Variants in ROBO2 observed in about 807,000 individuals in gnomAD.
The protein encoded by ROBO2 is roundabout homolog 2.
In ROBO2, 53 loss-of-function variants were observed where a neutral mutation model predicts 160.8. The observed-to-expected ratio is 0.33, with a 90% CI of 0.26 to 0.41. The LOEUF (loss-of-function observed/expected upper bound fraction) is 0.41, where lower values mean the gene tolerates loss of function less well. ROBO2 is among the 10% of genes least tolerant of loss of function. ROBO2 has a pLI of 1.00. For synonymous variants in ROBO2, 664 were observed against 611.7 expected (o/e 1.09, Z -1.26); for missense variants, 1,577 against 1,722.4 (o/e 0.92, Z 1.49).
intron 2 of ROBO2, among the ~76,000 whole-genome samples, chr3:76,086,606 G>A (rs969703576): frequency 1.3e-5 from 2 of 152,044 alleles, no homozygotes; most frequent in Non-Finnish European, 2.9e-5. Context: ...CTGCAGTTCT[G>A]TTTACCCAGT....
intron 2 of ROBO2, among the ~76,000 whole-genome samples, chr3:77,311,295 C>T (rs373068068): frequency 5.3e-5 from 8 of 152,168 alleles, no homozygotes; most frequent in South Asian, 4.2e-4. Flanking sequence ...GTATGTGCAC[C>T]GGAAATATCC....
chr3:76,880,612 C>A (rs1364108784), intron 2 of ROBO2, among the ~76,000 whole-genome samples: 1 of 151,974 alleles, frequency 6.6e-6, no homozygotes, highest in Non-Finnish European at 1.5e-5. Context: ...TTTAAAAATT[C>A]TAGGAATTTA....
At chr3:76,142,265 CA>C in intron 2 of ROBO2, among the ~76,000 whole-genome samples, 1 of 151,800 alleles carries the variant, frequency 6.6e-6, no homozygotes, top group Middle Eastern at 3.4e-3. Context: ...GGAGGTTCCT[CA>C]AAAAAACTGA....
intron 2 of ROBO2, among the ~76,000 whole-genome samples, chr3:76,548,754 T>C (rs975256699): frequency 3.3e-5 from 5 of 151,544 alleles, no homozygotes; most frequent in African/African-American, 4.8e-5. Flanking sequence ...TCTACTAACA[T>C]CAAGAAATCG....
chr3:76,712,817 T>A (rs2107621824), intron 2 of ROBO2, among the ~76,000 whole-genome samples: 1 of 152,266 alleles, frequency 6.6e-6, no homozygotes, highest in East Asian at 1.9e-4. Context: ...AATTTTCTCT[T>A]CATTTCTTAT....
intron 1 of ROBO2, among the ~76,000 whole-genome samples, chr3:75,936,254 T>C (rs1365949761): frequency 6.6e-6 from 1 of 152,204 alleles, no homozygotes; most frequent in Non-Finnish European, 1.5e-5. Context: ...GGTAATTAAA[T>C]CTTCCCCTTT....
At chr3:76,509,261 GA>G (rs2080956112) in intron 2 of ROBO2, among the ~76,000 whole-genome samples, 1 of 152,130 alleles carries the variant, frequency 6.6e-6, no homozygotes, top group Admixed American at 6.5e-5. Flanking sequence ...CACTCTCTGA[GA>G]AAGAAGATAT....
At chr3:76,895,953 A>T (rs929257456) in intron 2 of ROBO2, among the ~76,000 whole-genome samples, 7 of 152,100 alleles carry the variant, frequency 4.6e-5, no homozygotes, top group African/African-American at 1.7e-4. Flanking sequence ...TGCTCCTTGG[A>T]CAGCCTGACT....
intron 2 of ROBO2, among the ~76,000 whole-genome samples, chr3:76,320,823 A>C (rs941962908): frequency 6.6e-6 from 1 of 152,198 alleles, no homozygotes; most frequent in Non-Finnish European, 1.5e-5. Context: ...GACTTAATGC[A>C]CTGTTAGATG....
chr3:77,102,152 G>A (rs995320359), intron 2 of ROBO2, among the ~76,000 whole-genome samples: 20 of 152,220 alleles, frequency 1.3e-4, no homozygotes, highest in African/African-American at 4.8e-4. Flanking sequence ...CAGCTGAAGA[G>A]CGAGTAGTGG....
rs191680080 is a variant in ROBO2 at position 76,267,601 on chromosome 3, T to G, written c.109+329999T>G. ...GTGTCATATTTCTCTTCTAATATGT[T>G]TAATGTTTCTTACAATATGAAATTA... On this transcript the variant is annotated intron_variant, in intron 2 of 26. Coordinates refer to the ROBO2 transcript ENST00000487694. Among the ~76,000 whole-genome samples, 76 of 152,296 alleles carry G rather than the reference T, an allele frequency of 5.0e-4. 1 individual carries two copies. Among genetic ancestry groups the G allele is most frequent in the Middle Eastern group, 3.4e-3 (1 of 294 alleles).
chr3:76,237,280 T>C (rs756486799), intron 2 of ROBO2, among the ~76,000 whole-genome samples: 1 of 152,176 alleles, frequency 6.6e-6, no homozygotes, highest in Non-Finnish European at 1.5e-5. Context: ...TTACCTAAGA[T>C]GGAATCTGTG....
At chr3:77,478,256 G>A (rs2084278650) in intron 3 of ROBO2, among the ~76,000 whole-genome samples, 1 of 152,122 alleles carries the variant, frequency 6.6e-6, no homozygotes. Context: ...AAAATTATAA[G>A]AGAAATTAAT....
chr3:76,434,350 T>C (rs2076571538), intron 2 of ROBO2: 2 of 1,344,916 alleles, frequency 1.5e-6, no homozygotes, highest in Non-Finnish European at 2.1e-6. Flanking sequence ...TGATAAGCTT[T>C]CGGGAGAAGA....
At chr3:76,624,895 T>G (rs949143736) in intron 2 of ROBO2, among the ~76,000 whole-genome samples, 6 of 148,938 alleles carry the variant, frequency 4.0e-5, no homozygotes, top group African/African-American at 1.5e-4. Flanking sequence ...ACTTGTCTAC[T>G]AGTCCAACCA....
intron 2 of ROBO2, among the ~76,000 whole-genome samples, chr3:76,175,631 A>G (rs922224134): frequency 3.3e-5 from 5 of 152,038 alleles, no homozygotes; most frequent in African/African-American, 4.8e-5. Context: ...TATACTCCCT[A>G]TCCTTGCCTC....
At chr3:76,617,665 T>C (rs2088702741) in intron 2 of ROBO2, among the ~76,000 whole-genome samples, 1 of 152,190 alleles carries the variant, frequency 6.6e-6, no homozygotes, top group African/African-American at 2.4e-5. Flanking sequence ...CCTTCTTCTA[T>C]TCCATTTGGT....
At chr3:76,093,044 A>G (rs1259101527) in intron 2 of ROBO2, among the ~76,000 whole-genome samples, 4 of 152,102 alleles carry the variant, frequency 2.6e-5, no homozygotes, top group Admixed American at 6.6e-5. Flanking sequence ...GTGGTTGATT[A>G]TGTCTGTTTT....
intron 2 of ROBO2, among the ~76,000 whole-genome samples, chr3:76,076,475 A>G (rs1284831454): frequency 3.9e-5 from 6 of 152,204 alleles, no homozygotes; most frequent in Admixed American, 2.6e-4. Context: ...ATTTTATACT[A>G]TAGACATTAT....
Sources: gnomAD v4.1 joint callset for allele counts (sites outside exome capture counted in the v4.1 genomes callset) on GRCh38, gnomAD v4.1.1 for gene constraint, MANE v1.5 for transcripts, NCBI Gene and HGNC (gene_info 2026-07-23, HGNC 2026-07-21) for gene names.